ERC2: variants seen among roughly 807,000 people sequenced by gnomAD.
ERC2 encodes ERC protein 2.
ERC2 carries 42 observed loss-of-function variants against 114.8 expected under a neutral mutation model. That is an observed-to-expected ratio of 0.37 (90% CI 0.29 to 0.47). ERC2 has a LOEUF of 0.47. Ranked by LOEUF, ERC2 falls within the 20% of genes least tolerant of loss-of-function variation. The probability of loss-of-function intolerance (pLI) is 0.99; values close to 1 mark genes in which losing one functional copy is unlikely to be tolerated. For missense variants in ERC2, 939 were observed against 1,150.7 expected (o/e 0.82, Z 2.66); for synonymous variants, 454 against 425.5 (o/e 1.07, Z -0.82).
intron 12 of ERC2, among the ~76,000 whole-genome samples, chr3:55,976,000 G>A (rs1031946090): frequency 6.6e-6 from 1 of 152,136 alleles, no homozygotes. Flanking sequence ...TGCGCCATGG[G>A]TAATGCCTCT....
intron 17 of ERC2, among the ~76,000 whole-genome samples, chr3:55,648,439 T>C (rs959906388): frequency 2.0e-5 from 3 of 152,138 alleles, no homozygotes; most frequent in African/African-American, 7.2e-5. Flanking sequence ...ATAAAGGACT[T>C]TACGTGCTGC....
intron 15 of ERC2, among the ~76,000 whole-genome samples, chr3:55,729,291 C>T (rs1447476618): frequency 2.6e-5 from 4 of 152,170 alleles, no homozygotes; most frequent in Non-Finnish European, 4.4e-5. Context: ...TACACTTCTG[C>T]TTCATTCCGT....
intron 17 of ERC2, among the ~76,000 whole-genome samples, chr3:55,666,438 G>A (rs868730382): frequency 6.6e-6 from 1 of 152,186 alleles, no homozygotes; most frequent in Non-Finnish European, 1.5e-5. Context: ...CCTCTGAGTA[G>A]TGTCAAAGGT....
At chr3:55,714,319 C>G (rs1249360578) in intron 15 of ERC2, among the ~76,000 whole-genome samples, 1 of 151,992 alleles carries the variant, frequency 6.6e-6, no homozygotes, top group Non-Finnish European at 1.5e-5. Context: ...ATAGTCTCTT[C>G]CTGAAAAAAA....
chr3:55,697,037 T>A (rs985922471), intron 16 of ERC2, among the ~76,000 whole-genome samples: 6 of 152,338 alleles, frequency 3.9e-5, no homozygotes, highest in African/African-American at 1.4e-4. Flanking sequence ...TGGAGCTACC[T>A]TTTATCTGCC....
In ERC2 at chr3:55,993,763, C is replaced by T. The variant is rs561885637; in HGVS notation, c.2062-1513G>A. 2.7e-4 allele frequency among the ~76,000 whole-genome samples: 41 copies of T among 151,470 alleles called. 1 individual carries two copies. The Middle Eastern group carries it at 0.035, about 129-fold the overall frequency. On this transcript the variant is annotated intron_variant, in intron 10 of 17. Transcript: ENST00000288221. ...CCTTTTACCAACATTTTTCAGAAAACATTTATTTTCATTTATTTACTATGC... is the reference window on the plus strand; with the variant it reads ...CCTTTTACCAACATTTTTCAGAAAATATTTATTTTCATTTATTTACTATGC...
intron 4 of ERC2, among the ~76,000 whole-genome samples, chr3:56,159,748 AC>A (rs1160383224): frequency 6.6e-6 from 1 of 152,178 alleles, no homozygotes; most frequent in Admixed American, 6.6e-5. Context: ...ATAAGTGAGA[AC>A]GTGCAGTATT....
At chr3:56,036,950 C>G (rs913502901) in intron 7 of ERC2, among the ~76,000 whole-genome samples, 1 of 152,006 alleles carries the variant, frequency 6.6e-6, no homozygotes, top group East Asian at 1.9e-4. Context: ...CTATAGAAGA[C>G]GGGCCTGACT....
chr3:56,229,141 T>C (rs1482663002), intron 3 of ERC2, among the ~76,000 whole-genome samples: 1 of 152,234 alleles, frequency 6.6e-6, no homozygotes, highest in Non-Finnish European at 1.5e-5. Context: ...TTCCTATTTA[T>C]TGAGGATACA....
At position 55,663,669 on chromosome 3, in the gene ERC2, T is replaced by G. The variant is rs77020842; in HGVS notation, c.*39+20125A>C. 1.1e-4 allele frequency among the ~76,000 whole-genome samples: 17 copies of G among 152,346 alleles called. No individual in the cohort carries two copies. In the East Asian group the frequency reaches 2.1e-3, roughly 19 times the overall value. ...AGGCAGAATGTGGCAAAATGCCTTC[T>G]TCAAGGCCCTCAACATTAAACTTTG... is the stretch of plus-strand genomic sequence containing the variant. On this transcript the variant is annotated intron_variant, in intron 17 of 17. Coordinates refer to ENST00000288221, the MANE Select transcript of ERC2 (RefSeq NM_015576.3).
At chr3:55,583,399 TTTCCTTCCTTCCTTCC>T (rs568033136) in intron 17 of ERC2, among the ~76,000 whole-genome samples, 14 of 87,074 alleles carry the variant, frequency 1.6e-4, no homozygotes, top group South Asian at 9.1e-4. Context: ...TCCTTCCTTC[TTTCCTTCCTTCCTTCC>T]TTCCTTCCTT....
intron 3 of ERC2, among the ~76,000 whole-genome samples, chr3:56,198,720 C>A (rs1331557277): frequency 6.6e-6 from 1 of 152,138 alleles, no homozygotes; most frequent in African/African-American, 2.4e-5. Context: ...TCAAAATATG[C>A]CCAGTTGGCA....
intron 4 of ERC2, among the ~76,000 whole-genome samples, chr3:56,161,250 G>C (rs567167829): frequency 6.6e-6 from 1 of 152,148 alleles, no homozygotes; most frequent in Non-Finnish European, 1.5e-5. Flanking sequence ...CTGAGCAGTT[G>C]TTGTTGCCAT....
chr3:56,360,990 T>C (rs952995729), intron 2 of ERC2, among the ~76,000 whole-genome samples: 33 of 152,006 alleles, frequency 2.2e-4, no homozygotes, highest in African/African-American at 8.0e-4. Context: ...ATTGGGGTAG[T>C]CATGCAAACA....
At chr3:56,464,615 A>T (rs1318662901) in intron 1 of ERC2, among the ~76,000 whole-genome samples, 1 of 152,202 alleles carries the variant, frequency 6.6e-6, no homozygotes, top group Admixed American at 6.5e-5. Flanking sequence ...TTCACATAAG[A>T]AGAAGAGGTT....
At chr3:56,355,574 A>G (rs911855438) in intron 2 of ERC2, among the ~76,000 whole-genome samples, 2 of 152,032 alleles carry the variant, frequency 1.3e-5, no homozygotes, top group Non-Finnish European at 2.9e-5. Context: ...AGCCTCCCAC[A>G]GTGCTGGGAT....
intron 13 of ERC2, among the ~76,000 whole-genome samples, chr3:55,941,589 C>G (rs1278424580): frequency 6.6e-6 from 1 of 152,176 alleles, no homozygotes; most frequent in East Asian, 1.9e-4. Flanking sequence ...ATCTCAGAGT[C>G]TCAATTTCCC....
In ERC2 at chr3:56,424,203, T is replaced by C. The variant is rs145794428; in HGVS notation, c.657+10148A>G. ...GACCACTCCTCCTGCCTTTCCCTCTTGGAGCTTGGTTTCAATAAGTACCCT... is the reference window on the plus strand; with the variant it reads ...GACCACTCCTCCTGCCTTTCCCTCTCGGAGCTTGGTTTCAATAAGTACCCT... On this transcript the variant is annotated intron_variant, in intron 2 of 17. Transcript: ENST00000288221. Among the ~76,000 whole-genome samples the C allele has an allele frequency of 2.4e-4, 37 of 152,346 alleles. No homozygotes were observed. In the East Asian group the frequency reaches 2.7e-3, roughly 11 times the overall value.
chr3:56,024,270 A>G (rs2073910191), intron 7 of ERC2, among the ~76,000 whole-genome samples: 1 of 152,212 alleles, frequency 6.6e-6, no homozygotes, highest in Non-Finnish European at 1.5e-5. Context: ...TAGTGCAAAC[A>G]CTGTTGCCCC....
Sources: allele counts gnomAD v4.1 joint callset (sites outside exome capture counted in the v4.1 genomes callset), GRCh38; gene constraint gnomAD v4.1.1; transcripts MANE v1.5; gene names NCBI Gene and HGNC (gene_info 2026-07-23, HGNC 2026-07-21).